The following RAI14 variants were observed in gnomAD, a reference collection of about 807,000 sequenced individuals.
The protein encoded by RAI14 is ankycorbin.
RAI14 carries 45 observed loss-of-function variants against 115.4 expected under a neutral mutation model. The observed-to-expected ratio is 0.39, with a 90% confidence interval of 0.31 to 0.50. RAI14 has a LOEUF of 0.50. Among genes scored for constraint, RAI14 ranks in the 20% least tolerant of loss-of-function variants. The pLI, the probability that RAI14 is intolerant of heterozygous loss-of-function variation, is 0.85. For synonymous variants in RAI14, 371 were observed against 415.4 expected, an observed-to-expected ratio of 0.89 and a Z score of 1.30; for missense variants, 939 against 1,131.2, an observed-to-expected ratio of 0.83 and a Z score of 2.44.
intron 3 of RAI14, among the ~76,000 whole-genome samples, chr5:34,793,375 G>C (rs1204479285): frequency 1.3e-5 from 2 of 152,124 alleles, no homozygotes; most frequent in South Asian, 2.1e-4. Context: ...ACCCATAAAA[G>C]ACTATGTAAT....
At chr5:34,807,229 C>G (rs1338280158) in intron 5 of RAI14, among the ~76,000 whole-genome samples, 1 of 152,038 alleles carries the variant, frequency 6.6e-6, no homozygotes, top group Non-Finnish European at 1.5e-5. Flanking sequence ...AGAGGAGGAG[C>G]CGCAAGAGGA....
At chr5:34,770,871 A>C (rs1273328881) in intron 3 of RAI14, among the ~76,000 whole-genome samples, 1 of 152,218 alleles carries the variant, frequency 6.6e-6, no homozygotes, top group African/African-American at 2.4e-5. Context: ...ATTTAATATC[A>C]TTAGTTTTTT....
intron 2 of RAI14, among the ~76,000 whole-genome samples, chr5:34,737,675 C>T (rs1745038754): frequency 6.6e-6 from 1 of 152,094 alleles, no homozygotes; most frequent in Non-Finnish European, 1.5e-5. Context: ...GGGAAGACAG[C>T]TTGAGCCTAG....
intron 5 of RAI14, among the ~76,000 whole-genome samples, chr5:34,806,759 G>C (rs1329792428): frequency 6.6e-6 from 1 of 152,118 alleles, no homozygotes; most frequent in East Asian, 1.9e-4. Flanking sequence ...AGAGATTTTG[G>C]CTGGGCCTTT....
At chr5:34,799,507 C>G (rs910069187) in intron 4 of RAI14, among the ~76,000 whole-genome samples, 4 of 62,682 alleles carry the variant, frequency 6.4e-5, no homozygotes, top group Admixed American at 3.5e-4. Flanking sequence ...CACACACACA[C>G]ACACACACAC....
chr5:34,700,869 T>G (rs1739976415), intron 2 of RAI14, among the ~76,000 whole-genome samples: 1 of 152,242 alleles, frequency 6.6e-6, no homozygotes, highest in African/African-American at 2.4e-5. Context: ...AATTTAGACC[T>G]TGTGTAGGCT....
chr5:34,662,838 C>T (rs528106643), intron 1 of RAI14, among the ~76,000 whole-genome samples: 1 of 145,210 alleles, frequency 6.9e-6, no homozygotes, highest in African/African-American at 2.5e-5. Flanking sequence ...AATCAATTCT[C>T]CTGCCTCAGC....
chr5:34,757,261 A>G, intron 2 of RAI14: 2 of 632,648 alleles, frequency 3.2e-6, no homozygotes, highest in Non-Finnish European at 5.8e-6. Flanking sequence ...CCGTGATTTC[A>G]TTGCACTATT....
At chr5:34,748,950 C>T (rs1044988206) in intron 2 of RAI14, among the ~76,000 whole-genome samples, 2 of 151,966 alleles carry the variant, frequency 1.3e-5, no homozygotes, top group African/African-American at 4.8e-5. Flanking sequence ...TCTTTATTAC[C>T]CTGCACCTAG....
chr5:34,819,815 C>T (rs2150287924), intron 13 of RAI14, among the ~76,000 whole-genome samples: 1 of 152,258 alleles, frequency 6.6e-6, no homozygotes, highest in Non-Finnish European at 1.5e-5. Flanking sequence ...ATTGCCCAGA[C>T]TGGTCTCAAA....
chr5:34,730,678 AAAAAAAT>A (rs948183522), intron 2 of RAI14, among the ~76,000 whole-genome samples: 1 of 152,106 alleles, frequency 6.6e-6, no homozygotes, highest in African/African-American at 2.4e-5. Flanking sequence ...CCTGTCTCGA[AAAAAAAT>A]AAAAAATAAA....
intron 2 of RAI14, among the ~76,000 whole-genome samples, chr5:34,708,347 CA>C (rs1323194829): frequency 6.6e-6 from 1 of 152,098 alleles, no homozygotes; most frequent in Non-Finnish European, 1.5e-5. Context: ...GGATTACAGG[CA>C]TGCGCCACCT....
chr5:34,690,822 C>G (rs781630204), intron 2 of RAI14, among the ~76,000 whole-genome samples: 2 of 151,970 alleles, frequency 1.3e-5, no homozygotes, highest in Non-Finnish European at 2.9e-5. Context: ...TTTGGGAGTT[C>G]TTAAACTTGA....
chr5:34,705,263 T>A (rs200094435), intron 2 of RAI14, among the ~76,000 whole-genome samples: 2 of 152,186 alleles, frequency 1.3e-5, no homozygotes, highest in East Asian at 1.9e-4. Flanking sequence ...AGCATGGGAA[T>A]TGAGATGTAC....
chr5:34,780,377 T>TC (rs558170113), intron 3 of RAI14, among the ~76,000 whole-genome samples: 1 of 151,900 alleles, frequency 6.6e-6, no homozygotes, highest in East Asian at 1.9e-4. Flanking sequence ...ACAAATGGGA[T>TC]TAATTAAACT....
At chr5:34,675,139 C>A (rs1477390008) in intron 1 of RAI14, among the ~76,000 whole-genome samples, 1 of 152,220 alleles carries the variant, frequency 6.6e-6, no homozygotes, top group Non-Finnish European at 1.5e-5. Context: ...TTGTGATCCA[C>A]CCACCCCTGC....
Position 34,823,194 on chromosome 5 carries a change from A to T in RAI14, c.1352A>T (p.Glu451Val). The T allele has an allele frequency of 6.2e-7, 1 of 1,614,026 alleles. No homozygotes were observed. Among genetic ancestry groups the T allele is most frequent in the South Asian group, 1.1e-5 (1 of 91,078 alleles). Residue 451 changes from glutamate to valine, a missense_variant, in exon 15 of 18, where the codon GAG (glutamate) becomes GTG (valine). By Grantham distance (121) the Glu-to-Val change is moderately radical. Coordinates refer to ENST00000265109, the MANE Select transcript of RAI14 (RefSeq NM_015577.3). This position sits in a 1 kb window ranked among gnomAD's most constrained non-coding sequence, Gnocchi z 4.5. ...LQKRLESSEA[E>V]RKQLQVELQS... ...AAGAGATTAGAGAGCTCTGAAGCAG[A>T]GAGAAAACAGCTACAGGTCGAACTC...
At chr5:34,726,858 C>T (rs138163271) in intron 2 of RAI14, among the ~76,000 whole-genome samples, 2,972 of 152,278 alleles carry the variant, frequency 0.02, 94 homozygotes, top group African/African-American at 0.068. Flanking sequence ...ATTCATTAAA[C>T]CTCTTTCCTT....
At chr5:34,688,061 C>G (rs1738070738) in intron 2 of RAI14, 1 of 1,442,768 alleles carries the variant, frequency 6.9e-7, no homozygotes, top group Admixed American at 2.9e-5. Flanking sequence ...ACCTTCTTAT[C>G]CTTTAGGTAA....
Sources: gnomAD v4.1 joint callset for allele counts (sites outside exome capture counted in the v4.1 genomes callset) on GRCh38, gnomAD v4.1.1 for gene constraint, Gnocchi (gnomAD v3.1) non-coding constraint, MANE v1.5 for transcripts, NCBI Gene and HGNC (gene_info 2026-07-23, HGNC 2026-07-21) for gene names.